Variants in HCFC2 observed in about 807,000 individuals in gnomAD.
HCFC2 encodes the protein host cell factor C2.
A neutral mutation model predicts 89.2 loss-of-function variants in HCFC2; 18 were observed. The ratio of observed to expected loss-of-function variants is 0.20; its 90% CI spans 0.14 to 0.30. HCFC2 has a LOEUF of 0.30. Among genes scored for constraint, HCFC2 ranks in the 10% least tolerant of loss-of-function variants. The probability of loss-of-function intolerance (pLI) is 1.00; values close to 1 mark genes in which losing one functional copy is unlikely to be tolerated. For synonymous variants in HCFC2, 308 were observed against 335.7 expected (o/e 0.92, Z 0.90); for missense variants, 578 against 956.1 (o/e 0.60, Z 5.21).
In HCFC2 at chr12:104,093,270, G is replaced by A. The variant is rs535303089; in HGVS notation, c.1285-116G>A. On this transcript the variant is annotated intron_variant, in intron 9 of 14. Coordinates refer to ENST00000229330, the MANE Select transcript of HCFC2 (RefSeq NM_013320.3). The stretch of plus-strand genomic sequence containing the variant: ...TAGAAATTAATAATGTAATTTTTAG[G>A]TGTTTTCTATTTTGATAAAAAGTAT... 1.2e-5 allele frequency: 7 copies of A among 596,918 alleles called. No individual in the cohort carries two copies. In the East Asian group the frequency reaches 1.8e-4, roughly 16 times the overall value. The allele number at this position is 596,918 out of a possible 1,614,324, so 37.0% of individuals were successfully genotyped here. A position where few individuals can be genotyped will look rare whatever the true frequency, so the allele number is the denominator to read the frequency against.
chr12:104,088,109 G>T, intron 9 of HCFC2, 71 bp downstream of exon 9: 1 of 1,041,596 alleles, frequency 9.6e-7, no homozygotes, highest in Non-Finnish European at 1.5e-6. Context: ...CAGATATTTA[G>T]CATACTACTA....
At chr12:104,066,433 T>G (rs1358101100) in intron 2 of HCFC2, 118 bp downstream of exon 2, 2 of 688,632 alleles carry the variant, frequency 2.9e-6, no homozygotes, top group East Asian at 3.3e-5. Context: ...ATTCAAGTAA[T>G]GTATTATTCA....
intron 12 of HCFC2, 144 bp from the exon 13 acceptor site, chr12:104,098,199 A>T: frequency 1.7e-6 from 1 of 589,648 alleles, no homozygotes; most frequent in Non-Finnish European, 2.9e-6. Context: ...CTAATCTGTT[A>T]AGACTTTATT....
chr12:104,064,847 G>A lies in HCFC2; in HGVS notation c.163+124G>A. The A allele has an allele frequency of 1.1e-6, 1 of 907,046 alleles. No homozygotes were observed. The highest frequency in any genetic ancestry group is 3.4e-5 in the East Asian group (1 of 29,712). 56.2% of individuals were successfully genotyped at this position (907,046 alleles called of 1,614,324 possible). ...GTCACTGCTTCCTTGGGCGGGCGGC[G>A]GGGAGCGCGGCTCAGCCGGGCAGCC... is the stretch of plus-strand genomic sequence containing the variant. On this transcript the variant is annotated intron_variant, in intron 1 of 14. Transcript: ENST00000229330. The surrounding 1 kb of genome is among the most constrained non-coding windows in gnomAD (Gnocchi z 7.3).
In HCFC2 at chr12:104,104,094, T is replaced by C. The variant is rs2030025948; in HGVS notation, c.*821T>C. 6.6e-6 allele frequency: 1 copy of C among 152,074 alleles called. No individual in the cohort carries two copies. The highest frequency in any genetic ancestry group is 1.5e-5 in the Non-Finnish European group (1 of 67,916). The allele number at this position is 152,074 out of a possible 1,614,324, so 9.4% of individuals were successfully genotyped here. On this transcript the variant is annotated 3_prime_UTR_variant, in exon 15 of 15. Transcript: ENST00000229330. The stretch of plus-strand genomic sequence containing the variant: ...AAGTATGTCCCTGAACATTTTCATC[T>C]GTCTTAATGGCTCTAATTTTGCTTT...
At chr12:104,094,974 G>A (rs1884132264) in intron 10 of HCFC2, among the ~76,000 whole-genome samples, 1 of 152,110 alleles carries the variant, frequency 6.6e-6, no homozygotes, top group African/African-American at 2.4e-5. Context: ...AAGACAGGGA[G>A]GATGAGCACA....
intron 7 of HCFC2, among the ~76,000 whole-genome samples, chr12:104,086,581 G>C (rs553488408): frequency 1.9e-4 from 28 of 150,434 alleles, no homozygotes; most frequent in Non-Finnish European, 3.4e-4. Flanking sequence ...TGGTAGTTTC[G>C]TACTGGATTG....
intron 7 of HCFC2, among the ~76,000 whole-genome samples, chr12:104,085,928 T>C (rs1056771401): frequency 6.6e-6 from 1 of 152,102 alleles, no homozygotes; most frequent in Non-Finnish European, 1.5e-5. Context: ...GTATTTTTTT[T>C]TTCATTTAGG....
chr12:104,083,164 CGAGAAACCTGGCAAGCAT>C (rs910942765), intron 7 of HCFC2, among the ~76,000 whole-genome samples: 4 of 151,952 alleles, frequency 2.6e-5, no homozygotes, highest in African/African-American at 7.2e-5. Flanking sequence ...CTGGCAAGCA[CGAGAAACCTGGCAAGCAT>C]GAGAAACCTG....
intron 4 of HCFC2, among the ~76,000 whole-genome samples, chr12:104,079,983 G>T (rs1413675015): frequency 6.6e-6 from 1 of 152,070 alleles, no homozygotes; most frequent in Non-Finnish European, 1.5e-5. Flanking sequence ...GTCCTGTTGG[G>T]GATGATAACT....
intron 9 of HCFC2, among the ~76,000 whole-genome samples, chr12:104,092,678 G>A (rs899538931): frequency 1.3e-5 from 2 of 152,072 alleles, no homozygotes; most frequent in South Asian, 2.1e-4. Context: ...GGAGACTGAG[G>A]CAGCAGAATT....
Position 104,079,516 on chromosome 12 carries a change from C to G in HCFC2, c.545C>G (p.Thr182Ser). Residue 182 changes from threonine (T) to serine (S), a missense_variant, in exon 4 of 15, where the codon ACT becomes AGT. Transcript: ENST00000229330. ...SGVVGWSIPVTKGVVPSPRES... is the reference protein window; with the variant it reads ...SGVVGWSIPVSKGVVPSPRES... ...GTTGTGGGTTGGAGCATTCCAGTGA[C>G]TAAAGGGGTTGTGCCTTCTCCAAGA... is the stretch of plus-strand genomic sequence containing the variant. The G allele has an allele frequency of 6.2e-7, 1 of 1,614,016 alleles. No homozygotes were observed. The highest frequency in any genetic ancestry group is 2.2e-5 in the East Asian group (1 of 44,876).
chr12:104,086,716 C>G lies in HCFC2; in HGVS notation c.1064-131C>G, dbSNP rs76537385. 2.6e-3 allele frequency: 1,632 copies of G among 617,044 alleles called. 16 individuals are homozygous for G. The Middle Eastern group carries it at 0.032, about 12-fold the overall frequency. The allele number at this position is 617,044 out of a possible 1,614,324, so 38.2% of individuals were successfully genotyped here. On this transcript the variant is annotated intron_variant, in intron 7 of 14. Coordinates refer to ENST00000229330, the MANE Select transcript of HCFC2 (RefSeq NM_013320.3). ...CTGTAGCTGTGTTTATCTGAGTAAA[C>G]TTTCCCTGTCTTGGTAAGCAGATGA...
chr12:104,074,627 C>T (rs1042050867), intron 3 of HCFC2, among the ~76,000 whole-genome samples: 2 of 152,028 alleles, frequency 1.3e-5, no homozygotes, highest in African/African-American at 2.4e-5. Context: ...AAATATGAGC[C>T]ACCTTTTTAT....
intron 3 of HCFC2, among the ~76,000 whole-genome samples, chr12:104,069,832 A>C (rs1448341933): frequency 6.6e-6 from 1 of 151,918 alleles, no homozygotes; most frequent in African/African-American, 2.4e-5. Context: ...TATTTGTCCT[A>C]ATGCTCTCCC....
intron 3 of HCFC2, among the ~76,000 whole-genome samples, chr12:104,069,422 T>C (rs763479175): frequency 5.3e-5 from 8 of 152,196 alleles, no homozygotes; most frequent in Non-Finnish European, 1.0e-4. Context: ...TTTGCTACTT[T>C]GTATCTTTTG....
At chr12:104,069,018 A>G (rs1169442577) in intron 3 of HCFC2, among the ~76,000 whole-genome samples, 3 of 152,144 alleles carry the variant, frequency 2.0e-5, no homozygotes, top group African/African-American at 7.2e-5. Context: ...GAGCAGCTGT[A>G]GTCACCACCA....
intron 7 of HCFC2, among the ~76,000 whole-genome samples, chr12:104,085,194 T>C (rs1204201761): frequency 1.3e-5 from 2 of 152,218 alleles, no homozygotes; most frequent in African/African-American, 4.8e-5. Flanking sequence ...TTCAAAGCTT[T>C]TCTGTCATTA....
At position 104,098,414 on chromosome 12, in the gene HCFC2, T is replaced by A. The variant is rs766033572; in HGVS notation, c.1812T>A (p.Phe604Leu). Reference protein sequence around the residue: ...GERQWCDVGIFKNNTALVSQF... With the variant: ...GERQWCDVGILKNNTALVSQF... ...GACAATGGTGTGATGTGGGAATTTTTAAAAATAATACAGCTTTGGTGAGCC... is the reference window on the plus strand; with the variant it reads ...GACAATGGTGTGATGTGGGAATTTTAAAAAATAATACAGCTTTGGTGAGCC... The change falls in exon 13 of 15, where the codon TTT becomes TTA. Residue 604 changes from phenylalanine to leucine, a missense_variant. Coordinates refer to ENST00000229330, the MANE Select transcript of HCFC2 (RefSeq NM_013320.3). 1.1e-5 allele frequency: 18 copies of A among 1,612,948 alleles called. No individual in the cohort carries two copies. Among genetic ancestry groups the A allele is most frequent in the African/African-American group, 4.0e-5 (3 of 74,884 alleles).
Sources: allele counts gnomAD v4.1 joint callset (sites outside exome capture counted in the v4.1 genomes callset), GRCh38; gene constraint gnomAD v4.1.1; non-coding constraint Gnocchi (gnomAD v3.1); transcripts MANE v1.5; gene names NCBI Gene and HGNC (gene_info 2026-07-23, HGNC 2026-07-21).